The following ZCCHC14 variants were observed in gnomAD, a reference collection of about 807,000 sequenced individuals.
ZCCHC14 encodes zinc finger CCHC domain-containing protein 14.
ZCCHC14 carries 16 observed loss-of-function variants against 85.0 expected under a neutral mutation model. The observed-to-expected ratio is 0.19, with a 90% CI of 0.13 to 0.29. The LOEUF is 0.29. Ranked by LOEUF, ZCCHC14 falls within the 10% of genes least tolerant of loss-of-function variation. The pLI is 1.00. For missense variants in ZCCHC14, 1,303 were observed against 1,443.5 expected (o/e 0.90, Z 1.58); for synonymous variants, 775 against 630.7 (o/e 1.23, Z -3.43).
rs201993476 is a variant in ZCCHC14, at chr16:87,411,940, G to A, written c.2781C>T (p.Ser927=). The A allele has an allele frequency of 5.0e-6, 8 of 1,606,950 alleles. No individual in the cohort carries two copies. The Admixed American group carries it at 1.0e-4, about 20-fold the overall frequency. ...PPPPGCIVCT[S]CGCSGSCGSS... ...AGCCGCAGCTGCCGCTGCAGCCACA[G>A]GACGTGCACACAATGCAGCCTGGCG... Residue 927 remains serine (S), a synonymous_variant, in exon 12 of 13, where the codon TCC becomes TCT. Coordinates refer to ENST00000671377, the MANE Select transcript of ZCCHC14 (RefSeq NM_015144.3).
chr16:87,447,137 C>G (rs867606381), intron 2 of ZCCHC14, among the ~76,000 whole-genome samples: 2 of 152,292 alleles, frequency 1.3e-5, no homozygotes, highest in Non-Finnish European at 1.5e-5. Context: ...CGGCAAAGCT[C>G]TTTTGGGGCA....
rs1272418850 is a variant in ZCCHC14, at chr16:87,407,789, C to T, written c.*2491G>A. 1 of 152,496 alleles carries T rather than the reference C, an allele frequency of 6.6e-6. No homozygotes were observed. The highest frequency in any genetic ancestry group is 2.4e-5 in the African/African-American group (1 of 41,450). 9.4% of individuals were successfully genotyped at this position (152,496 alleles called of 1,614,324 possible). A position where few individuals can be genotyped will look rare whatever the true frequency, so the allele number is the denominator to read the frequency against. ...ATGAGGAAGTCTGATGACCGCAAAA[C>T]GCTCTTCAGACGCGCCGACCTTGGT... On this transcript the variant is annotated 3_prime_UTR_variant, in exon 13 of 13. Coordinates refer to ENST00000671377, the MANE Select transcript of ZCCHC14 (RefSeq NM_015144.3).
chr16:87,415,079 G>A (rs758421604), intron 9 of ZCCHC14, among the ~76,000 whole-genome samples, 197 bp downstream of exon 9: 5 of 152,032 alleles, frequency 3.3e-5, no homozygotes, highest in East Asian at 3.9e-4. Context: ...GCGAGACTCC[G>A]TCTCAAAAAA....
intron 7 of ZCCHC14, 126 bp from the exon 8 acceptor site, chr16:87,417,868 G>A (rs1223783011): frequency 5.8e-6 from 7 of 1,206,824 alleles, no homozygotes; most frequent in Non-Finnish European, 7.8e-6. Flanking sequence ...TGTTGTCACA[G>A]GCCACCCTGA....
intron 3 of ZCCHC14, among the ~76,000 whole-genome samples, chr16:87,426,120 G>A (rs1263909327): frequency 1.4e-5 from 2 of 147,162 alleles, no homozygotes; most frequent in African/African-American, 2.4e-5. Flanking sequence ...AGCCCATGTC[G>A]CTCGCTCTGC....
At chr16:87,459,019 C>T (rs1911119628) in intron 2 of ZCCHC14, among the ~76,000 whole-genome samples, 1 of 152,200 alleles carries the variant, frequency 6.6e-6, no homozygotes, top group South Asian at 2.1e-4. Flanking sequence ...CTCCCCAAAG[C>T]CTCCACTACT....
chr16:87,413,252 G>A lies in ZCCHC14; in HGVS notation c.1604-57C>T, dbSNP rs560400497. 58 of 1,461,032 alleles carry A rather than the reference G, an allele frequency of 4.0e-5. No individual in the cohort carries two copies. The South Asian group carries it at 4.8e-4, about 12-fold the overall frequency. The allele number at this position is 1,461,032 out of a possible 1,614,324, so 90.5% of individuals were successfully genotyped here. ...ACTAGCGCCCCTGCAGGCTCAGCCCGCCCCGTGCCCCTGCATCGCACTGTC... is the reference window on the plus strand; with the variant it reads ...ACTAGCGCCCCTGCAGGCTCAGCCCACCCCGTGCCCCTGCATCGCACTGTC... On this transcript the variant is annotated intron_variant, in intron 10 of 12. Transcript: ENST00000671377.
chr16:87,482,041 G>C (rs1218886855), intron 1 of ZCCHC14, among the ~76,000 whole-genome samples: 1 of 152,138 alleles, frequency 6.6e-6, no homozygotes, highest in African/African-American at 2.4e-5. Context: ...CGGTGACAAG[G>C]ATATTACCTC....
At chr16:87,417,099 G>A (rs934158916) in intron 8 of ZCCHC14, among the ~76,000 whole-genome samples, 3 of 152,146 alleles carry the variant, frequency 2.0e-5, no homozygotes, top group Admixed American at 6.5e-5. Flanking sequence ...GATCTGGCCC[G>A]CCGCAGTGTC....
At chr16:87,440,291 A>T (rs976828244) in intron 2 of ZCCHC14, among the ~76,000 whole-genome samples, 1 of 151,822 alleles carries the variant, frequency 6.6e-6, no homozygotes, top group African/African-American at 2.4e-5. Flanking sequence ...CAGCCTCCTG[A>T]GTAGCTGGGA....
chr16:87,466,349 C>T (rs921643888), intron 1 of ZCCHC14, among the ~76,000 whole-genome samples: 3 of 152,184 alleles, frequency 2.0e-5, no homozygotes, highest in Non-Finnish European at 4.4e-5. Context: ...GAAGCACAGC[C>T]CCCCAACACT....
intron 1 of ZCCHC14, chr16:87,471,262 G>A (rs543205100): frequency 6.6e-6 from 1 of 152,290 alleles, no homozygotes; most frequent in East Asian, 1.9e-4. Context: ...TAAGCATTTT[G>A]CTAAAATAGT....
chr16:87,478,681 AC>A (rs1310285254), intron 1 of ZCCHC14, among the ~76,000 whole-genome samples: 11 of 151,152 alleles, frequency 7.3e-5, no homozygotes, highest in African/African-American at 2.4e-4. Flanking sequence ...ATCTTGGCTC[AC>A]TGCAACCTCT....
chr16:87,411,886 G>C lies in ZCCHC14; in HGVS notation c.2835C>G (p.Asn945Lys). 1 of 1,599,260 alleles carries C rather than the reference G, an allele frequency of 6.3e-7. No homozygotes were observed. Among genetic ancestry groups the C allele is most frequent in the Non-Finnish European group, 8.5e-7 (1 of 1,174,124 alleles). The stretch of plus-strand genomic sequence containing the variant: ...GACCGGAGAACGGGTGCTGGAAGTA[G>C]TTGGCGTAGCTGACAGTCAGGCCAC... ...GSSGLTVSYA[N>K]YFQHPFSGPS... The change falls in exon 12 of 13, where the codon AAC becomes AAG. Residue 945 changes from asparagine (N) to lysine (K), a missense_variant. Physicochemically the swap from Asn to Lys is moderately conservative, Grantham distance 94. Transcript: ENST00000671377.
At chr16:87,472,389 T>C in intron 1 of ZCCHC14, 1 of 152,424 alleles carries the variant, frequency 6.6e-6, no homozygotes, top group Middle Eastern at 3.4e-3. Flanking sequence ...CAAGCGCCCA[T>C]TCCACAGCCA....
chr16:87,444,818 C>A (rs994178337), intron 2 of ZCCHC14, among the ~76,000 whole-genome samples: 1 of 152,128 alleles, frequency 6.6e-6, no homozygotes, highest in East Asian at 1.9e-4. Context: ...CGAACTTGAT[C>A]CTCTGGGTAT....
chr16:87,489,277 C>T (rs1912645613), intron 1 of ZCCHC14, among the ~76,000 whole-genome samples: 1 of 152,160 alleles, frequency 6.6e-6, no homozygotes, highest in East Asian at 1.9e-4. Context: ...CAAGGTTACT[C>T]CTTATAATAA....
chr16:87,474,811 C>T (rs1356124436), intron 1 of ZCCHC14, among the ~76,000 whole-genome samples: 10 of 152,228 alleles, frequency 6.6e-5, no homozygotes, highest in Admixed American at 6.5e-4. Context: ...ACGCTCTGCA[C>T]ATCAACTCTG....
At chr16:87,463,726 G>C (rs1019454248) in intron 1 of ZCCHC14, among the ~76,000 whole-genome samples, 4 of 152,228 alleles carry the variant, frequency 2.6e-5, no homozygotes, top group African/African-American at 7.2e-5. Flanking sequence ...GGGAGGCTGA[G>C]GCAGGGGGAT....
Sources: gnomAD v4.1 joint callset for allele counts (sites outside exome capture counted in the v4.1 genomes callset) on GRCh38, gnomAD v4.1.1 for gene constraint, MANE v1.5 for transcripts, NCBI Gene and HGNC (gene_info 2026-07-23, HGNC 2026-07-21) for gene names.